COX7B: variants seen among roughly 807,000 people sequenced by gnomAD.
The protein encoded by COX7B is cytochrome c oxidase subunit 7B, mitochondrial.
In COX7B, 2 loss-of-function variants were observed where a neutral mutation model predicts 7.9. The observed-to-expected ratio is 0.25, with a 90% CI of 0.10 to 0.79. The LOEUF (loss-of-function observed/expected upper bound fraction) is 0.79, where lower values mean the gene tolerates loss of function less well. Among genes scored for constraint, COX7B ranks in the 30% least tolerant of loss-of-function variants. COX7B has a pLI of 0.69. For synonymous variants in COX7B, 19 were observed against 21.1 expected (o/e 0.90, Z 0.27); for missense variants, 54 against 62.7 (o/e 0.86, Z 0.47).
intron 2 of COX7B, among the ~76,000 whole-genome samples, chrX:77,904,574 G>GT (rs1383245634): frequency 9.2e-6 from 1 of 108,449 alleles, no homozygotes; most frequent in Non-Finnish European, 1.9e-5. Context: ...GTTGGAGGGG[G>GT]TGGAGGTTGC....
At position 77,906,219 on chromosome X, in the gene COX7B, T is replaced by C. The variant is rs2077134794; in HGVS notation, c.*958T>C. On this transcript the variant is annotated 3_prime_UTR_variant, in exon 3 of 3. Coordinates refer to ENST00000650309, the MANE Select transcript of COX7B (RefSeq NM_001866.3). ...TCACCTTTGAGCCAAAAATTTGGCC[T>C]GGATTTTGGTTATGCCTACTACTAT... 8.9e-6 allele frequency: 1 copy of C among 112,465 alleles called. No individual in the cohort carries two copies. Among genetic ancestry groups the C allele is most frequent in the African/African-American group, 3.2e-5 (1 of 30,975 alleles). The allele number at this position is 112,465 out of a possible 1,213,427, so 9.3% of individuals were successfully genotyped here.
At chrX:77,901,332 G>C (rs2077119401) in intron 1 of COX7B, among the ~76,000 whole-genome samples, 2 of 105,773 alleles carry the variant, frequency 1.9e-5, no homozygotes, top group South Asian at 8.5e-4. Context: ...TGCAATCTCC[G>C]TCTCCTAGGT....
At chrX:77,901,796 CTCACTGCA>C in intron 1 of COX7B, 1 of 111,572 alleles carries the variant, frequency 9.0e-6, no homozygotes. Context: ...GTGATCATAG[CTCACTGCA>C]TCCTCTAACT....
Position 77,905,168 on chromosome X carries a change from A to AT in COX7B, c.166-12dup, listed in dbSNP as rs1219256732. 1 of 1,187,185 alleles carries AT rather than the reference A, an allele frequency of 8.4e-7. No homozygotes were observed. Among genetic ancestry groups the AT allele is most frequent in the African/African-American group, 1.8e-5 (1 of 56,826 alleles). ...CTGGTTTAAACACGTAACTGACAGC[A>AT]TTTTAATTCTTACAGGTAGCAACAC... On this transcript the variant is annotated splice_polypyrimidine_tract_variant and intron_variant, in intron 2 of 2. Coordinates refer to ENST00000650309, the MANE Select transcript of COX7B (RefSeq NM_001866.3).
chrX:77,902,532 C>T (rs782180169), intron 1 of COX7B, 111 bp from the exon 2 acceptor site: 4 of 791,680 alleles, frequency 5.1e-6, no homozygotes, highest in South Asian at 2.5e-5. Flanking sequence ...CTACATAATA[C>T]TGTAAAATTA....
At chrX:77,899,744 C>A in intron 1 of COX7B, 151 bp downstream of exon 1, 1 of 531,903 alleles carries the variant, frequency 1.9e-6, no homozygotes, top group Non-Finnish European at 3.1e-6. Context: ...GGGATGATGT[C>A]CTTAGCATTG....
intron 2 of COX7B, 26 bp downstream of exon 2, chrX:77,902,793 T>C: frequency 8.4e-7 from 1 of 1,189,398 alleles, no homozygotes. Flanking sequence ...TAATAATTTC[T>C]GTTTCAGATG....
In COX7B at chrX:77,906,156, C is replaced by G. The variant is rs2149034431; in HGVS notation, c.*895C>G. 1 of 112,391 alleles carries G rather than the reference C, an allele frequency of 8.9e-6. No homozygotes were observed. The highest frequency in any genetic ancestry group is 2.8e-4 in the East Asian group (1 of 3,576). The allele number at this position is 112,391 out of a possible 1,213,427, so 9.3% of individuals were successfully genotyped here. A position where few individuals can be genotyped will look rare whatever the true frequency, so the allele number is the denominator to read the frequency against. On this transcript the variant is annotated 3_prime_UTR_variant, in exon 3 of 3. Transcript: ENST00000650309. ...ACCTGGAAGTCAACTTTATAGTAAG[C>G]TGAAATTATAAATAACTGATCATGG...
In COX7B at chrX:77,902,629, C is replaced by T. The variant is rs201906955; in HGVS notation, c.41-14C>T. The T allele has an allele frequency of 7.9e-5, 95 of 1,200,812 alleles. No homozygotes were observed. The East Asian group carries it at 1.6e-3, about 20-fold the overall frequency. Reference sequence around the variant, plus strand: ...ATAATATGCTTCTGTATTCTTTTTTCGTTTTCCTGTAAGTTCGAAGCATTC... The same window carrying T: ...ATAATATGCTTCTGTATTCTTTTTTTGTTTTCCTGTAAGTTCGAAGCATTC... On this transcript the variant is annotated splice_polypyrimidine_tract_variant and intron_variant, in intron 1 of 2. Transcript: ENST00000650309.
Sources: allele counts gnomAD v4.1 joint callset (sites outside exome capture counted in the v4.1 genomes callset), GRCh38; gene constraint gnomAD v4.1.1; transcripts MANE v1.5; gene names NCBI Gene and HGNC (gene_info 2026-07-23, HGNC 2026-07-21).